The following TENM2 variants were observed in gnomAD, a reference collection of about 807,000 sequenced individuals.
TENM2 encodes the protein teneurin-2.
Under a neutral mutation model 245.2 loss-of-function variants are expected in TENM2, and 52 were observed. The ratio of observed to expected loss-of-function variants is 0.21; its 90% CI spans 0.17 to 0.27. The LOEUF (loss-of-function observed/expected upper bound fraction) is 0.27. Among genes scored for constraint, TENM2 ranks in the 10% least tolerant of loss-of-function variants. The pLI, the probability that TENM2 is intolerant of heterozygous loss-of-function variation, is 1.00. For synonymous variants in TENM2, 1,363 were observed against 1,438.9 expected, an observed-to-expected ratio of 0.95 and a Z score of 1.19; for missense variants, 3,046 against 3,666.8, an observed-to-expected ratio of 0.83 and a Z score of 4.37.
chr5:168,015,587 T>C (rs1332685588), intron 5 of TENM2, among the ~76,000 whole-genome samples: 1 of 152,162 alleles, frequency 6.6e-6, no homozygotes, highest in Non-Finnish European at 1.5e-5. Context: ...GAGAAGTCTG[T>C]TTAGTTTGGG....
At chr5:167,680,398 G>A (rs1756626742) in intron 2 of TENM2, among the ~76,000 whole-genome samples, 1 of 152,030 alleles carries the variant, frequency 6.6e-6, no homozygotes, top group Non-Finnish European at 1.5e-5. Flanking sequence ...ATGAAGGAGT[G>A]GTGGTTCACA....
chr5:167,541,682 G>T (rs1035347953), intron 2 of TENM2, among the ~76,000 whole-genome samples: 3 of 152,086 alleles, frequency 2.0e-5, no homozygotes, highest in Non-Finnish European at 4.4e-5. Context: ...TACTGAAGGG[G>T]TTTAAAGTGA....
intron 5 of TENM2, among the ~76,000 whole-genome samples, chr5:168,025,348 T>C (rs1328303474): frequency 6.6e-6 from 1 of 152,250 alleles, no homozygotes. Flanking sequence ...GTTTTGAGAA[T>C]GGTTAAAGTG....
At chr5:167,116,124 G>A in the TENM2 span, among the ~76,000 whole-genome samples, 1 of 152,202 alleles carries the variant, frequency 6.6e-6, no homozygotes, top group Non-Finnish European at 1.5e-5. Context: ...GCCAAAATGG[G>A]ATTGTACATG....
chr5:167,061,523 A>C, the TENM2 span, among the ~76,000 whole-genome samples: 1 of 152,318 alleles, frequency 6.6e-6, no homozygotes, highest in South Asian at 2.1e-4. Context: ...AAACATTACT[A>C]AATATTTCCT....
At chr5:167,751,698 T>C (rs1761968233) in intron 2 of TENM2, among the ~76,000 whole-genome samples, 2 of 152,158 alleles carry the variant, frequency 1.3e-5, no homozygotes, top group Non-Finnish European at 2.9e-5. Context: ...GATTAATAAA[T>C]TGCTTTAAAA....
At chr5:167,143,973 G>A in the TENM2 span, among the ~76,000 whole-genome samples, 1 of 152,112 alleles carries the variant, frequency 6.6e-6, no homozygotes. Flanking sequence ...CATTACATAT[G>A]CAAACTTTGG....
At chr5:167,248,802 G>A in the TENM2 span, among the ~76,000 whole-genome samples, 3 of 35,186 alleles carry the variant, frequency 8.5e-5, no homozygotes, top group African/African-American at 1.6e-4. Context: ...ATGTGTGCGT[G>A]TGTGTGTATA....
chr5:167,741,080 G>A (rs562019260), intron 2 of TENM2, among the ~76,000 whole-genome samples: 1 of 152,142 alleles, frequency 6.6e-6, no homozygotes, highest in Non-Finnish European at 1.5e-5. Context: ...TCCTCAATCT[G>A]AGAAGCTCAT....
At chr5:167,290,520 T>G in intron 1 of TENM2, among the ~76,000 whole-genome samples, 1 of 152,182 alleles carries the variant, frequency 6.6e-6, no homozygotes. Flanking sequence ...GCAACAGAAA[T>G]TTTTCTTTCC....
At chr5:167,488,983 C>T (rs180973253) in intron 2 of TENM2, among the ~76,000 whole-genome samples, 1 of 152,246 alleles carries the variant, frequency 6.6e-6, no homozygotes, top group Admixed American at 6.5e-5. Flanking sequence ...CCAATTCTCT[C>T]CGTTATTATG....
At chr5:167,222,255 A>C in the TENM2 span, among the ~76,000 whole-genome samples, 1 of 152,204 alleles carries the variant, frequency 6.6e-6, no homozygotes, top group East Asian at 1.9e-4. Context: ...CACATATGCA[A>C]TGGAGGATGT....
At chr5:167,123,418 T>C in the TENM2 span, among the ~76,000 whole-genome samples, 1 of 152,232 alleles carries the variant, frequency 6.6e-6, no homozygotes, top group Non-Finnish European at 1.5e-5. Context: ...AGTCTTTTGT[T>C]TGCTACCATA....
Position 167,450,005 on chromosome 5 carries a change from A to G in TENM2, c.502+74532A>G, listed in dbSNP as rs77843742. On this transcript the variant is annotated intron_variant, in intron 2 of 28. Coordinates refer to ENST00000518659, the Ensembl canonical transcript of TENM2. ...ATGAAGCATTCCCTTTGTTGAATAT[A>G]AGGTATACAGTTGGTGGGTGGATGG... Among the ~76,000 whole-genome samples the G allele has an allele frequency of 0.014, 2,121 of 152,210 alleles. 89 individuals are homozygous for G. The East Asian group carries it at 0.17, about 12-fold the overall frequency.
At chr5:168,139,669 G>A (rs1172969799) in intron 12 of TENM2, among the ~76,000 whole-genome samples, 1 of 152,172 alleles carries the variant, frequency 6.6e-6, no homozygotes, top group Non-Finnish European at 1.5e-5. Flanking sequence ...TCTAGAAAGA[G>A]TTGTAAACTC....
At chr5:167,460,720 A>T (rs1157755748) in intron 2 of TENM2, among the ~76,000 whole-genome samples, 1 of 152,140 alleles carries the variant, frequency 6.6e-6, no homozygotes, top group Non-Finnish European at 1.5e-5. Context: ...AACAAAGACA[A>T]TGTCAGTTTC....
At chr5:167,862,678 A>T (rs567114850) in intron 2 of TENM2, among the ~76,000 whole-genome samples, 18 of 152,188 alleles carry the variant, frequency 1.2e-4, no homozygotes, top group Non-Finnish European at 2.4e-4. Flanking sequence ...AGTACCTTGA[A>T]AGCACCTGCC....
chr5:167,758,349 A>G (rs964042603), intron 2 of TENM2, among the ~76,000 whole-genome samples: 1 of 152,082 alleles, frequency 6.6e-6, no homozygotes, highest in Non-Finnish European at 1.5e-5. Context: ...AGCTGACCCT[A>G]TAGACTGGAT....
chr5:168,262,135 C>G (rs549180477), exon 29 of TENM2: 4 of 1,613,850 alleles, frequency 2.5e-6, no homozygotes, highest in Non-Finnish European at 3.4e-6. Context: ...AAAAGCTCCA[C>G]GCCAGCATCC....
Sources: allele counts gnomAD v4.1 joint callset (sites outside exome capture counted in the v4.1 genomes callset), GRCh38; gene constraint gnomAD v4.1.1; transcripts MANE v1.5; gene names NCBI Gene and HGNC (gene_info 2026-07-23, HGNC 2026-07-21).